The following DPP6 variants were observed in gnomAD, a reference collection of about 807,000 sequenced individuals.
The protein encoded by DPP6 is dipeptidyl peptidase like 6, also known as A-type potassium channel modulatory protein DPP6.
A neutral mutation model predicts 122.6 loss-of-function variants in DPP6; 69 were observed. The observed-to-expected ratio is 0.56, with a 90% CI of 0.46 to 0.69. DPP6 has a LOEUF of 0.69. Among genes scored for constraint, DPP6 ranks in the 30% least tolerant of loss-of-function variants. DPP6 has a pLI of 0.00. For missense variants in DPP6, 928 were observed against 1,116.9 expected (o/e 0.83, Z 2.41); for synonymous variants, 418 against 433.1 (o/e 0.97, Z 0.43).
chr7:154,718,554 C>G (rs1229224313), intron 7 of DPP6, among the ~76,000 whole-genome samples: 4 of 152,006 alleles, frequency 2.6e-5, no homozygotes, highest in Non-Finnish European at 5.9e-5. Context: ...CTCCCACACC[C>G]CCCCCAACTT....
At chr7:154,470,356 G>C (rs1314863360) in intron 2 of DPP6, among the ~76,000 whole-genome samples, 1 of 152,196 alleles carries the variant, frequency 6.6e-6, no homozygotes, top group Non-Finnish European at 1.5e-5. Flanking sequence ...GCACTTTAGA[G>C]TTGTCAGTTA....
intron 18 of DPP6, among the ~76,000 whole-genome samples, chr7:154,870,455 A>C (rs1804292018): frequency 6.6e-6 from 1 of 151,426 alleles, no homozygotes; most frequent in South Asian, 2.1e-4. Flanking sequence ...AAAATACAAA[A>C]ATTAGCCAGG....
intron 1 of DPP6, among the ~76,000 whole-genome samples, chr7:154,119,167 TG>T (rs1807234586): frequency 1.3e-5 from 2 of 152,126 alleles, no homozygotes; most frequent in Admixed American, 1.3e-4. Flanking sequence ...TATATACATA[TG>T]GTTCCGAGCT....
intron 1 of DPP6, among the ~76,000 whole-genome samples, chr7:154,202,686 G>C (rs564577770): frequency 6.6e-6 from 1 of 152,126 alleles, no homozygotes; most frequent in Admixed American, 6.5e-5. Context: ...ACTACAGGCC[G>C]GGGCCACTGG....
At chr7:154,645,574 T>G (rs1360531527) in intron 6 of DPP6, among the ~76,000 whole-genome samples, 3 of 152,156 alleles carry the variant, frequency 2.0e-5, no homozygotes, top group Non-Finnish European at 4.4e-5. Context: ...TCCCCAGTCT[T>G]CGTTTCTACT....
chr7:154,145,224 A>G (rs575616601), intron 1 of DPP6, among the ~76,000 whole-genome samples: 100 of 152,312 alleles, frequency 6.6e-4, no homozygotes, highest in African/African-American at 2.3e-3. Flanking sequence ...CCCTACAGCT[A>G]GTCACAGAGG....
At chr7:154,033,832 G>A (rs1799381760) in intron 1 of DPP6, among the ~76,000 whole-genome samples, 1 of 139,248 alleles carries the variant, frequency 7.2e-6, no homozygotes, top group Admixed American at 7.1e-5. Flanking sequence ...CCACTCCTCT[G>A]CACACAAGAA....
At chr7:154,809,000 G>C (rs1276927511) in intron 16 of DPP6, among the ~76,000 whole-genome samples, 1 of 152,206 alleles carries the variant, frequency 6.6e-6, no homozygotes, top group Non-Finnish European at 1.5e-5. Context: ...GTCTGGCCTA[G>C]GCAGGAGGCA....
intron 1 of DPP6, among the ~76,000 whole-genome samples, chr7:154,380,422 T>C (rs557996275): frequency 3.0e-4 from 46 of 152,208 alleles, no homozygotes; most frequent in Non-Finnish European, 4.9e-4. Context: ...AATGCTAACA[T>C]TGGCGACATC....
intron 1 of DPP6, among the ~76,000 whole-genome samples, chr7:154,300,421 T>G (rs986940736): frequency 6.6e-6 from 1 of 152,220 alleles, no homozygotes; most frequent in African/African-American, 2.4e-5. Flanking sequence ...TGCAAGGTAC[T>G]TGTGCTCCAT....
At chr7:154,437,752 A>G (rs1818989725) in intron 1 of DPP6, among the ~76,000 whole-genome samples, 1 of 152,162 alleles carries the variant, frequency 6.6e-6, no homozygotes, top group Non-Finnish European at 1.5e-5. Context: ...CCTGGCCAAC[A>G]TGGCGAAACC....
At chr7:154,098,388 T>A (rs1416477660) in intron 1 of DPP6, among the ~76,000 whole-genome samples, 6 of 152,224 alleles carry the variant, frequency 3.9e-5, no homozygotes, top group Admixed American at 3.9e-4. Context: ...TAGGTATGTC[T>A]TTATTAGCTG....
the DPP6 span, among the ~76,000 whole-genome samples, chr7:153,869,665 T>A: frequency 6.6e-6 from 1 of 152,350 alleles, no homozygotes. Flanking sequence ...AGGTTAATAT[T>A]GTTATATGTG....
At chr7:154,569,225 G>A (rs1830959754) in intron 5 of DPP6, among the ~76,000 whole-genome samples, 1 of 152,008 alleles carries the variant, frequency 6.6e-6, no homozygotes, top group Admixed American at 6.5e-5. Flanking sequence ...CAAAGGAAGA[G>A]TCTAGGTCTG....
intron 1 of DPP6, among the ~76,000 whole-genome samples, chr7:154,086,137 T>C (rs1012786461): frequency 6.6e-6 from 1 of 152,174 alleles, no homozygotes; most frequent in Non-Finnish European, 1.5e-5. Flanking sequence ...TATGATTATT[T>C]CTCCCAAAGA....
At chr7:154,286,302 C>T (rs958310055) in intron 1 of DPP6, among the ~76,000 whole-genome samples, 10 of 151,432 alleles carry the variant, frequency 6.6e-5, no homozygotes, top group African/African-American at 1.9e-4. Context: ...GGTGTAGCCA[C>T]GAGCAAGATC....
At chr7:153,813,023 T>A in the DPP6 span, among the ~76,000 whole-genome samples, 9 of 152,086 alleles carry the variant, frequency 5.9e-5, no homozygotes, top group Admixed American at 1.3e-4. Flanking sequence ...GAAATTTTTT[T>A]TTATTATTAT....
intron 6 of DPP6, among the ~76,000 whole-genome samples, chr7:154,651,436 C>T (rs763068775): frequency 6.6e-6 from 1 of 152,122 alleles, no homozygotes; most frequent in Non-Finnish European, 1.5e-5. Flanking sequence ...GCAGTTCACT[C>T]CCCAGTTCGT....
chr7:154,045,585 G>C (rs1799980239), intron 1 of DPP6, among the ~76,000 whole-genome samples: 1 of 152,166 alleles, frequency 6.6e-6, no homozygotes, highest in Non-Finnish European at 1.5e-5. Flanking sequence ...CACTGTATGA[G>C]TAGATTAAAA....
Sources: gnomAD v4.1 joint callset for allele counts (sites outside exome capture counted in the v4.1 genomes callset) on GRCh38, gnomAD v4.1.1 for gene constraint, MANE v1.5 for transcripts, NCBI Gene and HGNC (gene_info 2026-07-23, HGNC 2026-07-21) for gene names.